ADGRL3: variants seen among roughly 807,000 people sequenced by gnomAD.
The protein encoded by ADGRL3 is adhesion G protein-coupled receptor L3.
Under a neutral mutation model 153.5 loss-of-function variants are expected in ADGRL3, and 62 were observed. The observed-to-expected ratio is 0.40, with a 90% CI of 0.33 to 0.50. ADGRL3 has a LOEUF of 0.50. ADGRL3 is among the 20% of genes least tolerant of loss of function. ADGRL3 has a pLI of 0.47. For missense variants in ADGRL3, 1,641 were observed against 1,859.4 expected (o/e 0.88, Z 2.16); for synonymous variants, 710 against 672.5 (o/e 1.06, Z -0.86).
chr4:61,581,990 T>A (rs2098927871), intron 4 of ADGRL3, among the ~76,000 whole-genome samples: 1 of 152,088 alleles, frequency 6.6e-6, no homozygotes, highest in Admixed American at 6.6e-5. Flanking sequence ...GATAGATTTC[T>A]TGTTGTTTTG....
intron 1 of ADGRL3, among the ~76,000 whole-genome samples, chr4:61,259,453 A>G (rs1330554894): frequency 5.3e-5 from 8 of 151,484 alleles, no homozygotes; most frequent in Non-Finnish European, 1.2e-4. Context: ...TAAATAAATA[A>G]ATAAATAAAT....
At chr4:61,842,868 C>G (rs1480135354) in intron 9 of ADGRL3, among the ~76,000 whole-genome samples, 1 of 152,126 alleles carries the variant, frequency 6.6e-6, no homozygotes, top group Non-Finnish European at 1.5e-5. Flanking sequence ...ATAGTCTACA[C>G]TGAAGATGAT....
chr4:61,516,839 CAAAA>C (rs1403273945), intron 3 of ADGRL3, among the ~76,000 whole-genome samples: 1 of 151,994 alleles, frequency 6.6e-6, no homozygotes, highest in East Asian at 1.9e-4. Flanking sequence ...AATAAACAAA[CAAAA>C]GACACCTTTC....
intron 9 of ADGRL3, among the ~76,000 whole-genome samples, chr4:61,872,393 G>A (rs1300132032): frequency 1.5e-5 from 2 of 136,098 alleles, no homozygotes; most frequent in Admixed American, 8.3e-5. Flanking sequence ...TCTTCCTTTC[G>A]CCCTTCCTTC....
At position 61,679,232 on chromosome 4, in the gene ADGRL3, C is replaced by T. The variant is rs545268388; in HGVS notation, c.583+2297C>T. Among the ~76,000 whole-genome samples, 3 of 151,976 alleles carry T rather than the reference C, an allele frequency of 2.0e-5. No individual in the cohort carries two copies. The East Asian group carries it at 5.8e-4, about 30-fold the overall frequency. On this transcript the variant is annotated intron_variant, in intron 6 of 26. Coordinates refer to ENST00000683033, the MANE Select transcript of ADGRL3 (RefSeq NM_001387552.1). The stretch of plus-strand genomic sequence containing the variant: ...CCTAGACTCTATTTAATAACCAGTT[C>T]TTATGTGAATTCATTACCACGGGGA...
At chr4:61,690,132 A>G (rs2095513556) in intron 6 of ADGRL3, among the ~76,000 whole-genome samples, 1 of 152,170 alleles carries the variant, frequency 6.6e-6, no homozygotes, top group African/African-American at 2.4e-5. Context: ...CGTAACAGAA[A>G]CTTCATAGAT....
intron 2 of ADGRL3, among the ~76,000 whole-genome samples, chr4:61,437,950 C>T (rs1324166175): frequency 1.3e-5 from 2 of 152,212 alleles, no homozygotes; most frequent in Non-Finnish European, 2.9e-5. Flanking sequence ...TTATGACACA[C>T]ATTCACATTT....
At chr4:61,545,216 C>A (rs746591970) in intron 4 of ADGRL3, among the ~76,000 whole-genome samples, 2 of 152,258 alleles carry the variant, frequency 1.3e-5, no homozygotes, top group Non-Finnish European at 2.9e-5. Flanking sequence ...AAGCTGTCCC[C>A]GTTACCCAGC....
intron 21 of ADGRL3, among the ~76,000 whole-genome samples, chr4:62,025,277 A>G (rs1205467270): frequency 6.6e-6 from 1 of 152,146 alleles, no homozygotes; most frequent in Non-Finnish European, 1.5e-5. Context: ...TATATGTCTG[A>G]CCAACTTAAA....
chr4:61,847,471 G>C (rs1158705611), intron 9 of ADGRL3, among the ~76,000 whole-genome samples: 1 of 147,368 alleles, frequency 6.8e-6, no homozygotes, highest in African/African-American at 2.5e-5. Flanking sequence ...GGGTATGTGT[G>C]TACTACATGA....
rs1215982443 is a variant in ADGRL3 at position 61,497,229 on chromosome 4, T to A, written c.-65T>A. 1.1e-6 allele frequency: 1 copy of A among 897,414 alleles called. No homozygotes were observed. The highest frequency in any genetic ancestry group is 1.8e-6 in the Non-Finnish European group (1 of 561,336). 55.6% of individuals were successfully genotyped at this position (897,414 alleles called of 1,614,324 possible). On this transcript the variant is annotated 5_prime_UTR_variant, in exon 3 of 27. Transcript: ENST00000683033. The stretch of plus-strand genomic sequence containing the variant: ...GAATACAGAAGAGAAACTAGAAATA[T>A]ACGTATTTTGTTTCACATTTGAACA...
intron 13 of ADGRL3, among the ~76,000 whole-genome samples, chr4:61,926,811 T>C (rs780492971): frequency 6.6e-6 from 1 of 152,206 alleles, no homozygotes; most frequent in Non-Finnish European, 1.5e-5. Context: ...TTAACATAGT[T>C]TGCAACCTCT....
At chr4:61,902,814 A>G (rs994693967) in intron 11 of ADGRL3, among the ~76,000 whole-genome samples, 3 of 152,130 alleles carry the variant, frequency 2.0e-5, no homozygotes, top group Non-Finnish European at 4.4e-5. Context: ...TAAAATGTCT[A>G]CTCTACCACA....
intron 21 of ADGRL3, among the ~76,000 whole-genome samples, 162 bp downstream of exon 21, chr4:61,998,427 C>G (rs2099129106): frequency 6.6e-6 from 1 of 151,998 alleles, no homozygotes. Context: ...ACTTGATCTG[C>G]CTGAAAATAA....
intron 6 of ADGRL3, among the ~76,000 whole-genome samples, chr4:61,692,623 T>C (rs2095561042): frequency 6.6e-6 from 1 of 151,998 alleles, no homozygotes; most frequent in Non-Finnish European, 1.5e-5. Flanking sequence ...TTTGTATTTG[T>C]AGTAAAGATG....
At chr4:61,968,897 A>G (rs1376278538) in intron 17 of ADGRL3, among the ~76,000 whole-genome samples, 2 of 152,188 alleles carry the variant, frequency 1.3e-5, no homozygotes, top group African/African-American at 4.8e-5. Flanking sequence ...AAGATGCTAC[A>G]TCTTTTATGT....
chr4:61,765,126 G>A (rs1030068349), intron 8 of ADGRL3, among the ~76,000 whole-genome samples: 3 of 152,070 alleles, frequency 2.0e-5, no homozygotes, highest in African/African-American at 7.2e-5. Flanking sequence ...TGGCAGTTTG[G>A]GGATAGCACC....
intron 1 of ADGRL3, among the ~76,000 whole-genome samples, chr4:61,233,474 G>T (rs1423964705): frequency 6.6e-6 from 1 of 152,070 alleles, no homozygotes; most frequent in Non-Finnish European, 1.5e-5. Context: ...AGTATGAGGG[G>T]ACTGAGATTG....
chr4:61,769,565 A>C (rs2097055824), intron 8 of ADGRL3, among the ~76,000 whole-genome samples: 1 of 151,982 alleles, frequency 6.6e-6, no homozygotes, highest in Non-Finnish European at 1.5e-5. Flanking sequence ...ATGTGAAGAG[A>C]CCACCAAACA....
Sources: allele counts gnomAD v4.1 joint callset (sites outside exome capture counted in the v4.1 genomes callset), GRCh38; gene constraint gnomAD v4.1.1; transcripts MANE v1.5; gene names NCBI Gene and HGNC (gene_info 2026-07-23, HGNC 2026-07-21).